The following CAMK1D variants were observed in gnomAD, a reference collection of about 807,000 sequenced individuals.
The protein encoded by CAMK1D is calcium/calmodulin-dependent protein kinase type 1D.
Under a neutral mutation model 47.7 loss-of-function variants are expected in CAMK1D, and 9 were observed. The observed-to-expected ratio is 0.19, with a 90% CI of 0.11 to 0.33. The LOEUF (loss-of-function observed/expected upper bound fraction) is 0.33. Ranked by LOEUF, CAMK1D falls within the 10% of genes least tolerant of loss-of-function variation. The probability of loss-of-function intolerance (pLI) is 1.00; values close to 1 mark genes in which losing one functional copy is unlikely to be tolerated. For synonymous variants in CAMK1D, 184 were observed against 184.9 expected (o/e 0.99, Z 0.04); for missense variants, 291 against 488.7 (o/e 0.60, Z 3.81).
At chr10:12,444,808 T>C (rs1832882212) in intron 1 of CAMK1D, among the ~76,000 whole-genome samples, 1 of 152,184 alleles carries the variant, frequency 6.6e-6, no homozygotes. Context: ...TAAGGGGTTG[T>C]GTAGACCAAG....
chr10:12,435,927 G>A (rs1171125477), intron 1 of CAMK1D, among the ~76,000 whole-genome samples: 1 of 152,210 alleles, frequency 6.6e-6, no homozygotes, highest in East Asian at 1.9e-4. Flanking sequence ...GGGATCAGAT[G>A]CTAGAGCTTG....
chr10:12,614,747 A>G (rs1334059821), intron 2 of CAMK1D, among the ~76,000 whole-genome samples: 1 of 151,982 alleles, frequency 6.6e-6, no homozygotes. Flanking sequence ...GTGCACCCTC[A>G]CCCTCCACAA....
chr10:12,583,272 T>G (rs1279242540), intron 2 of CAMK1D, among the ~76,000 whole-genome samples: 1 of 152,188 alleles, frequency 6.6e-6, no homozygotes, highest in Non-Finnish European at 1.5e-5. Flanking sequence ...GCTCTTCTGC[T>G]GGGATGGTTC....
At chr10:12,600,592 C>T (rs1259837968) in intron 2 of CAMK1D, among the ~76,000 whole-genome samples, 1 of 152,220 alleles carries the variant, frequency 6.6e-6, no homozygotes, top group East Asian at 1.9e-4. Flanking sequence ...CTTTAATTGA[C>T]TTAACCCTGC....
intron 1 of CAMK1D, among the ~76,000 whole-genome samples, chr10:12,542,528 T>C (rs1302175903): frequency 6.6e-6 from 1 of 152,214 alleles, no homozygotes; most frequent in Non-Finnish European, 1.5e-5. Context: ...TTTAGTGAAC[T>C]GTCATGAATC....
chr10:12,440,642 A>G (rs1247613915), intron 1 of CAMK1D, among the ~76,000 whole-genome samples: 1 of 152,172 alleles, frequency 6.6e-6, no homozygotes, highest in African/African-American at 2.4e-5. Flanking sequence ...TCAGTGGCAC[A>G]CTTTAAATGA....
intron 2 of CAMK1D, among the ~76,000 whole-genome samples, chr10:12,662,447 T>C (rs1840300279): frequency 1.3e-5 from 2 of 152,154 alleles, no homozygotes; most frequent in African/African-American, 4.8e-5. Context: ...AGGTCAGGGA[T>C]GGAGACCATC....
At chr10:12,367,032 A>G (rs1000074589) in intron 1 of CAMK1D, among the ~76,000 whole-genome samples, 1 of 152,154 alleles carries the variant, frequency 6.6e-6, no homozygotes, top group African/African-American at 2.4e-5. Context: ...TTCTAAACAC[A>G]TCCCCAGAAT....
chr10:12,671,823 A>G (rs1250721889), intron 3 of CAMK1D, among the ~76,000 whole-genome samples: 2 of 151,724 alleles, frequency 1.3e-5, no homozygotes, highest in Admixed American at 6.6e-5. Context: ...TTACAGCACA[A>G]AAGTTTTTTA....
intron 1 of CAMK1D, among the ~76,000 whole-genome samples, chr10:12,484,145 C>T (rs1164103230): frequency 6.6e-6 from 1 of 152,184 alleles, no homozygotes; most frequent in Non-Finnish European, 1.5e-5. Context: ...GTCTGTCACC[C>T]ATGAGCTTTG....
intron 1 of CAMK1D, among the ~76,000 whole-genome samples, chr10:12,490,618 G>A (rs1834354895): frequency 6.6e-6 from 1 of 152,188 alleles, no homozygotes; most frequent in East Asian, 1.9e-4. Flanking sequence ...GGAGGCCGAG[G>A]TGGGCCGATC....
At chr10:12,684,004 C>T (rs940335124) in intron 3 of CAMK1D, among the ~76,000 whole-genome samples, 3 of 151,898 alleles carry the variant, frequency 2.0e-5, no homozygotes, top group African/African-American at 7.3e-5. Flanking sequence ...CATTTAATGT[C>T]GTTAAAACAT....
At chr10:12,355,463 T>C (rs1388972042) in intron 1 of CAMK1D, among the ~76,000 whole-genome samples, 1 of 151,068 alleles carries the variant, frequency 6.6e-6, no homozygotes, top group African/African-American at 2.4e-5. Flanking sequence ...TGTGTGTGCG[T>C]GTGTGTGTGT....
intron 2 of CAMK1D, among the ~76,000 whole-genome samples, chr10:12,593,804 T>G (rs1165778323): frequency 6.6e-6 from 1 of 152,224 alleles, no homozygotes; most frequent in Non-Finnish European, 1.5e-5. Flanking sequence ...CCTCCCAAGC[T>G]TGGGCCACTC....
chr10:12,639,827 T>C (rs1006621139), intron 2 of CAMK1D, among the ~76,000 whole-genome samples: 1 of 152,170 alleles, frequency 6.6e-6, no homozygotes, highest in Non-Finnish European at 1.5e-5. Context: ...ATCAAATGAC[T>C]AAGTGGATAT....
chr10:12,802,879 T>C (rs1417202859), intron 6 of CAMK1D, among the ~76,000 whole-genome samples: 1 of 152,180 alleles, frequency 6.6e-6, no homozygotes, highest in Non-Finnish European at 1.5e-5. Context: ...TCTAAAAGTA[T>C]GATACAGAAA....
chr10:12,732,237 T>C (rs1487028800), intron 3 of CAMK1D, among the ~76,000 whole-genome samples: 5 of 152,084 alleles, frequency 3.3e-5, no homozygotes, highest in Admixed American at 6.5e-5. Context: ...AAAGACTCTG[T>C]CTAAAACAAA....
chr10:12,808,943 C>G (rs1272601626), intron 6 of CAMK1D, among the ~76,000 whole-genome samples: 2 of 151,862 alleles, frequency 1.3e-5, no homozygotes, highest in Non-Finnish European at 2.9e-5. Context: ...ATGGTGAAAC[C>G]CCATCTCTAC....
chr10:12,443,290 A>G (rs1470913003), intron 1 of CAMK1D, among the ~76,000 whole-genome samples: 4 of 152,228 alleles, frequency 2.6e-5, no homozygotes, highest in South Asian at 4.1e-4. Flanking sequence ...ACCAGGTACC[A>G]TGGTCAAACA....
Sources: gnomAD v4.1 joint callset for allele counts (sites outside exome capture counted in the v4.1 genomes callset) on GRCh38, gnomAD v4.1.1 for gene constraint, MANE v1.5 for transcripts, NCBI Gene and HGNC (gene_info 2026-07-23, HGNC 2026-07-21) for gene names.